MAST4: variants seen among roughly 807,000 people sequenced by gnomAD.
MAST4 encodes microtubule-associated serine/threonine-protein kinase 4.
In MAST4, 89 loss-of-function variants were observed where a neutral mutation model predicts 162.7. The observed-to-expected ratio is 0.55, with a 90% CI of 0.46 to 0.65. MAST4 has a LOEUF of 0.65. Among genes scored for constraint, MAST4 ranks in the 30% least tolerant of loss-of-function variants. The pLI is 0.00. For missense variants in MAST4, 3,153 were observed against 3,374.0 expected (o/e 0.93, Z 1.62); for synonymous variants, 1,479 against 1,361.1 (o/e 1.09, Z -1.91).
At chr5:66,803,950 T>A (rs258266) in intron 3 of MAST4, among the ~76,000 whole-genome samples, 22,902 of 151,662 alleles carry the variant, frequency 0.15, 2,026 homozygotes, top group East Asian at 0.44. Flanking sequence ...TTTTTTTTTT[T>A]AAAAAGCTCT....
chr5:67,115,764 A>C (rs184221584), intron 12 of MAST4, among the ~76,000 whole-genome samples: 194 of 152,378 alleles, frequency 1.3e-3, no homozygotes, highest in Non-Finnish European at 1.6e-3. Flanking sequence ...CTGCTTCAAA[A>C]GCTGACTCTT....
chr5:66,889,939 ATTTG>A (rs928797791), intron 3 of MAST4, among the ~76,000 whole-genome samples: 1 of 152,158 alleles, frequency 6.6e-6, no homozygotes, highest in African/African-American at 2.4e-5. Flanking sequence ...TCCTGATCCT[ATTTG>A]TTTAATCACT....
intron 4 of MAST4, among the ~76,000 whole-genome samples, chr5:66,995,203 T>C (rs975244458): frequency 8.6e-4 from 131 of 152,324 alleles, no homozygotes; most frequent in African/African-American, 3.0e-3. Context: ...CCAAGACTCA[T>C]AGAGCTTTTA....
intron 3 of MAST4, among the ~76,000 whole-genome samples, chr5:66,863,172 A>G (rs1007564826): frequency 6.6e-6 from 1 of 152,218 alleles, no homozygotes; most frequent in East Asian, 1.9e-4. Flanking sequence ...GTGATTAGAT[A>G]TGTGGGCTTC....
rs1463914540 is a variant in MAST4 at position 66,845,090 on chromosome 5, TA to T, written c.643-54860del. Among the ~76,000 whole-genome samples the T allele has an allele frequency of 4.4e-3, 126 of 28,948 alleles. 6 individuals carry two copies. Among genetic ancestry groups the T allele is most frequent in the East Asian group, 0.027 (20 of 734 alleles). 19.0% of individuals were successfully genotyped at this position (28,948 alleles called of 152,430 possible). On this transcript the variant is annotated intron_variant, in intron 3 of 28. Transcript: ENST00000403625. ...CCCATTAAGGTCACTAATCTTTATATATATATATATATATATATATATATAT... is the reference window on the plus strand; with the variant it reads ...CCCATTAAGGTCACTAATCTTTATATTATATATATATATATATATATATAT...
intron 1 of MAST4, among the ~76,000 whole-genome samples, chr5:66,619,276 G>A (rs756096635): frequency 5.9e-5 from 9 of 152,126 alleles, no homozygotes; most frequent in Non-Finnish European, 1.2e-4. Flanking sequence ...ACCAAATTAT[G>A]CTGTGCCACC....
In MAST4 at chr5:66,635,984, AGTCTTGCTCT is replaced by A. The variant is rs371246500; in HGVS notation, c.363+38970_363+38979del. Among the ~76,000 whole-genome samples the A allele has an allele frequency of 3.4e-3, 349 of 103,906 alleles. 2 individuals are homozygous for A. Among genetic ancestry groups the A allele is most frequent in the African/African-American group, 0.013 (332 of 25,908 alleles). 68.2% of individuals were successfully genotyped at this position (103,906 alleles called of 152,430 possible). On this transcript the variant is annotated intron_variant, in intron 1 of 28. Transcript: ENST00000403625. ...TTTTTTTTTTTTTTTTTCGAGACAG[AGTCTTGCTCT>A]GTCACCAGGCTAGAGTGCAGTTGTG... is the stretch of plus-strand genomic sequence containing the variant.
chr5:66,957,383 C>A (rs1745445878), intron 4 of MAST4, among the ~76,000 whole-genome samples: 1 of 152,074 alleles, frequency 6.6e-6, no homozygotes, highest in South Asian at 2.1e-4. Flanking sequence ...CTGTGTTGCC[C>A]AGGCTGGTCT....
intron 1 of MAST4, among the ~76,000 whole-genome samples, chr5:66,635,140 C>T (rs760403304): frequency 1.3e-5 from 2 of 152,220 alleles, no homozygotes; most frequent in Admixed American, 6.5e-5. Flanking sequence ...ATCTTTCTGG[C>T]TTAAAACAGC....
chr5:67,078,504 G>C (rs1024692623), intron 5 of MAST4, among the ~76,000 whole-genome samples: 4 of 150,798 alleles, frequency 2.7e-5, no homozygotes, highest in African/African-American at 9.7e-5. Context: ...TGAGGTGATG[G>C]CTATGTTAAT....
Position 67,130,411 on chromosome 5 carries a change from T to A in MAST4, c.1947T>A (p.Tyr649Ter). 6.2e-7 allele frequency: 1 copy of A among 1,613,738 alleles called. No individual in the cohort carries two copies. The highest frequency in any genetic ancestry group is 8.5e-7 in the Non-Finnish European group (1 of 1,179,742). Reference sequence around the variant, plus strand: ...GCCACTTGTGCATGGTCATGGAATATGTGGAAGGTATCTGACACGGAAAAC... The same window carrying A: ...GCCACTTGTGCATGGTCATGGAATAAGTGGAAGGTATCTGACACGGAAAAC... ...TRRHLCMVME[Y>*]VEGGDCATLM... is the part of the protein sequence containing the mutation. The change falls in exon 15 of 29, where the codon TAT becomes TAA. Residue 649 changes from tyrosine to a stop codon, truncating the protein, a stop_gained. Coordinates refer to ENST00000403625, the MANE Select transcript of MAST4 (RefSeq NM_001164664.2). LOFTEE classifies it high-confidence loss of function.
chr5:66,909,180 A>T (rs1763579273), intron 4 of MAST4, among the ~76,000 whole-genome samples: 1 of 152,114 alleles, frequency 6.6e-6, no homozygotes, highest in Admixed American at 6.6e-5. Flanking sequence ...TGAAAGGGGC[A>T]GTTGACCCCA....
intron 10 of MAST4, among the ~76,000 whole-genome samples, chr5:67,106,145 C>G (rs1402588122): frequency 6.6e-6 from 1 of 152,146 alleles, no homozygotes; most frequent in African/African-American, 2.4e-5. Flanking sequence ...TACAAGTTTT[C>G]TCACGATCTC....
At chr5:66,640,020 A>T (rs1374210929) in intron 1 of MAST4, among the ~76,000 whole-genome samples, 1 of 152,178 alleles carries the variant, frequency 6.6e-6, no homozygotes, top group Non-Finnish European at 1.5e-5. Context: ...CCCATGCTGT[A>T]CATTTGATCT....
intron 3 of MAST4, among the ~76,000 whole-genome samples, chr5:66,845,126 T>TATATATATACATAC (rs1358855625): frequency 3.0e-5 from 2 of 67,172 alleles, no homozygotes; most frequent in African/African-American, 1.1e-4. Flanking sequence ...TATATATATA[T>TATATATATACATAC]ACACACACAC....
At chr5:67,114,294 G>A (rs1017055562) in intron 12 of MAST4, 75 bp downstream of exon 12, 1 of 1,510,710 alleles carries the variant, frequency 6.6e-7, no homozygotes, top group Non-Finnish European at 8.9e-7. Context: ...TAAGTGGCAA[G>A]TCTTTATTTT....
intron 5 of MAST4, among the ~76,000 whole-genome samples, chr5:67,070,754 T>C (rs956053556): frequency 6.6e-6 from 1 of 152,184 alleles, no homozygotes; most frequent in African/African-American, 2.4e-5. Context: ...AGCTCATGGC[T>C]AGACCACAGA....
At position 67,169,543 on chromosome 5, in the gene MAST4, AT is replaced by A. The variant is rs1207775983; in HGVS notation, c.*2495del. ...ATAATTGTTGTATATTGAACAAAAT[AT>A]TTATACTTATGCAGTTGCATAACAT... On this transcript the variant is annotated 3_prime_UTR_variant, in exon 29 of 29. Coordinates refer to ENST00000403625, the MANE Select transcript of MAST4 (RefSeq NM_001164664.2). 2 of 152,254 alleles carry A rather than the reference AT, an allele frequency of 1.3e-5. No homozygotes were observed. Among genetic ancestry groups the A allele is most frequent in the Non-Finnish European group, 2.9e-5 (2 of 68,052 alleles). The allele number at this position is 152,254 out of a possible 1,614,324, so 9.4% of individuals were successfully genotyped here. A position where few individuals can be genotyped will look rare whatever the true frequency, so the allele number is the denominator to read the frequency against.
In MAST4 at chr5:66,935,276, G is replaced by A. The variant is rs141413373; in HGVS notation, c.674+35294G>A. Among the ~76,000 whole-genome samples the A allele has an allele frequency of 2.6e-5, 4 of 152,236 alleles. No individual in the cohort carries two copies. In the East Asian group the frequency reaches 7.7e-4, roughly 29 times the overall value. On this transcript the variant is annotated intron_variant, in intron 4 of 28. Coordinates refer to ENST00000403625, the MANE Select transcript of MAST4 (RefSeq NM_001164664.2). Reference sequence around the variant, plus strand: ...CAGGCATCCCCATTTCTCAACTTGCGGTTAGTCGTTAGATTTTGATACTAT... The same window carrying A: ...CAGGCATCCCCATTTCTCAACTTGCAGTTAGTCGTTAGATTTTGATACTAT...
Sources: allele counts gnomAD v4.1 joint callset (sites outside exome capture counted in the v4.1 genomes callset), GRCh38; gene constraint gnomAD v4.1.1; transcripts MANE v1.5; gene names NCBI Gene and HGNC (gene_info 2026-07-23, HGNC 2026-07-21).